CARD10: variants seen among roughly 807,000 people sequenced by gnomAD.
CARD10 encodes caspase recruitment domain family member 10.
In CARD10, 49 loss-of-function variants were observed where a neutral mutation model predicts 114.6. That is an observed-to-expected ratio of 0.43 (90% CI 0.34 to 0.54). CARD10 has a LOEUF of 0.54. Ranked by LOEUF, CARD10 falls within the 20% of genes least tolerant of loss-of-function variation. CARD10 has a pLI of 0.03. For synonymous variants in CARD10, 602 were observed against 593.2 expected (o/e 1.01, Z -0.21); for missense variants, 1,206 against 1,397.2 (o/e 0.86, Z 2.18).
chr22:37,497,147 G>C lies in CARD10; in HGVS notation c.1819C>G (p.Pro607Ala). 6.2e-7 allele frequency: 1 copy of C among 1,613,938 alleles called. No homozygotes were observed. The highest frequency in any genetic ancestry group is 2.2e-5 in the East Asian group (1 of 44,882). ...SLAIRVSGRS[P>A]PGGPEPQDKG... ...TCCTGCGGCTCTGGGCCCCCTGGGG[G>C]GCTCCGGCCAGACACCCGAATAGCC... Residue 607 changes from proline (P) to alanine (A), a missense_variant, in exon 12 of 20, where the codon CCC (proline) becomes GCC (alanine). Physicochemically the swap from Pro to Ala is conservative, Grantham distance 27. Coordinates refer to ENST00000251973, the MANE Select transcript of CARD10 (RefSeq NM_014550.4).
Position 37,496,328 on chromosome 22 carries a change from G to A in CARD10, c.2059+121C>T, listed in dbSNP as rs1056404106. 3 of 708,562 alleles carry A rather than the reference G, an allele frequency of 4.2e-6. No individual in the cohort carries two copies. In the Admixed American group the frequency reaches 8.5e-5, roughly 20 times the overall value. 43.9% of individuals were successfully genotyped at this position (708,562 alleles called of 1,614,324 possible). A position where few individuals can be genotyped will look rare whatever the true frequency, so the allele number is the denominator to read the frequency against. Reference sequence around the variant, plus strand: ...GAGGCATCAGCAGGCGGGGAGCCAGGAGAAGGGCAATTGGGGCAAGGCTGG... The same window carrying A: ...GAGGCATCAGCAGGCGGGGAGCCAGAAGAAGGGCAATTGGGGCAAGGCTGG... On this transcript the variant is annotated intron_variant, in intron 13 of 19. Transcript: ENST00000251973. This position sits in a 1 kb window ranked among gnomAD's most constrained non-coding sequence, Gnocchi z 4.1.
chr22:37,492,564 G>A lies in CARD10; in HGVS notation c.2636-14C>T, dbSNP rs1434933181. 5 of 1,602,366 alleles carry A rather than the reference G, an allele frequency of 3.1e-6. No individual in the cohort carries two copies. Among genetic ancestry groups the A allele is most frequent in the East Asian group, 2.2e-5 (1 of 44,712 alleles). The stretch of plus-strand genomic sequence containing the variant: ...CAGAGAGGCTTTCTGCACAGGGAGT[G>A]GAGAGGGAGAGATGAAGGATCCATG... On this transcript the variant is annotated splice_polypyrimidine_tract_variant and intron_variant, in intron 17 of 19. Transcript: ENST00000251973. The surrounding 1 kb of genome is among the most constrained non-coding windows in gnomAD (Gnocchi z 5.7).
chr22:37,494,077 C>T lies in CARD10; in HGVS notation c.2476+9G>A, dbSNP rs1365742139. On this transcript the variant is annotated intron_variant, in intron 16 of 19. Transcript: ENST00000251973. ...AACACGGGATACAGCTTTGCCCCCG[C>T]GCACTCACCTGCACAGGGCTCCAGC... is the stretch of plus-strand genomic sequence containing the variant. The T allele has an allele frequency of 2.6e-6, 4 of 1,538,110 alleles. No homozygotes were observed. The highest frequency in any genetic ancestry group is 1.2e-5 in the South Asian group (1 of 83,920).
chr22:37,492,301 G>C lies in CARD10; in HGVS notation c.2751+134C>G. 1 of 670,974 alleles carries C rather than the reference G, an allele frequency of 1.5e-6. No individual in the cohort carries two copies. The highest frequency in any genetic ancestry group is 2.5e-6 in the Non-Finnish European group (1 of 406,838). 41.6% of individuals were successfully genotyped at this position (670,974 alleles called of 1,614,324 possible). A position where few individuals can be genotyped will look rare whatever the true frequency, so the allele number is the denominator to read the frequency against. On this transcript the variant is annotated intron_variant, in intron 18 of 19. Transcript: ENST00000251973. The surrounding 1 kb of genome is among the most constrained non-coding windows in gnomAD (Gnocchi z 5.7). ...AAACTGAAGGCCACAGGAGGGAAAG[G>C]ACTTGGCCAGGGCCGCCCTGCCAGT...
In CARD10 at chr22:37,490,776, G is replaced by A. The variant is rs116707952; in HGVS notation, c.*383C>T. 2.5e-3 allele frequency: 510 copies of A among 201,494 alleles called. 3 individuals carry two copies. The highest frequency in any genetic ancestry group is 0.01 in the African/African-American group (442 of 43,154). 12.5% of individuals were successfully genotyped at this position (201,494 alleles called of 1,614,324 possible). ...CAGGCCCAGGTCCTCAGGAGACCTC[G>A]TGCCCAGGGCAGCGGGACAGACCTG... is the stretch of plus-strand genomic sequence containing the variant. On this transcript the variant is annotated 3_prime_UTR_variant, in exon 20 of 20. Transcript: ENST00000251973.
In CARD10 at chr22:37,510,300, G is replaced by GGCTCCT. The variant is rs963906114; in HGVS notation, c.815_820dup (p.Glu273_Pro274insGlnGlu). The GGCTCCT allele has an allele frequency of 6.3e-7, 1 of 1,579,188 alleles. No homozygotes were observed. Among genetic ancestry groups the GGCTCCT allele is most frequent in the East Asian group, 2.2e-5 (1 of 44,552 alleles). On this transcript the variant is annotated inframe_insertion, in exon 4 of 20. Coordinates refer to ENST00000251973, the MANE Select transcript of CARD10 (RefSeq NM_014550.4). The stretch of plus-strand genomic sequence containing the variant: ...CTCAGAGACAAGGTCCACATTGTCT[G>GGCTCCT]GCTCCTTCTCCTTCTCCTTCTCCTT...
chr22:37,517,854 G>A (rs1923893785), intron 2 of CARD10, 117 bp downstream of exon 2: 7 of 1,337,276 alleles, frequency 5.2e-6, no homozygotes, highest in Middle Eastern at 4.9e-4. Context: ...GCCTCTCCAT[G>A]CCTCAGTTTC....
In CARD10 at chr22:37,506,204, G is replaced by A. The variant is rs771736814; in HGVS notation, c.1371C>T (p.Gly457=). ...LEVQLQRAQG[G]TCLKACASSH... ...TTGACCCGCTCACCTTGAGGCAGGT[G>A]CCACCCTGGGCCCGCTGCAGCTGAA... The change falls in exon 7 of 20, where the codon GGC becomes GGT. Residue 457 remains glycine, a synonymous_variant. Transcript: ENST00000251973. 1.6e-5 allele frequency: 25 copies of A among 1,569,934 alleles called. No homozygotes were observed. The highest frequency in any genetic ancestry group is 1.7e-4 in the Middle Eastern group (1 of 5,802).
intron 3 of CARD10, among the ~76,000 whole-genome samples, chr22:37,512,905 T>C (rs1266994446): frequency 6.6e-6 from 1 of 152,098 alleles, no homozygotes; most frequent in Non-Finnish European, 1.5e-5. Flanking sequence ...CTCATTAAAT[T>C]TGCACCTTAT....
intron 2 of CARD10, among the ~76,000 whole-genome samples, chr22:37,517,317 G>T (rs1476480543): frequency 6.6e-6 from 1 of 151,884 alleles, no homozygotes; most frequent in Non-Finnish European, 1.5e-5. Context: ...GCGTGTGTGC[G>T]TGTGTGTATG....
chr22:37,498,613 CT>C, intron 11 of CARD10, among the ~76,000 whole-genome samples: 1 of 152,198 alleles, frequency 6.6e-6, no homozygotes, highest in Admixed American at 6.5e-5. Flanking sequence ...GCCCCGCCCT[CT>C]CAGGTAAGAC....
intron 14 of CARD10, 42 bp downstream of exon 14, chr22:37,495,718 C>T (rs1749499987): frequency 1.9e-6 from 3 of 1,612,202 alleles, no homozygotes; most frequent in Non-Finnish European, 2.5e-6. Flanking sequence ...TGAGCCCTGG[C>T]TCCCAGGGGG....
chr22:37,509,819 CTGCCAGCCTGTG>C (rs1923563072), intron 4 of CARD10, among the ~76,000 whole-genome samples: 1 of 112,686 alleles, frequency 8.9e-6, no homozygotes, highest in African/African-American at 3.1e-5. Context: ...TCCTGACCTC[CTGCCAGCCTGTG>C]CCCACAAGCC....
At chr22:37,505,275 TAAAA>T (rs35364224) in intron 7 of CARD10, among the ~76,000 whole-genome samples, 1 of 142,200 alleles carries the variant, frequency 7.0e-6, no homozygotes, top group African/African-American at 2.6e-5. Context: ...CACTGGGGGT[TAAAA>T]AAAAAAAAAA....
intron 4 of CARD10, among the ~76,000 whole-genome samples, chr22:37,509,661 G>A (rs984009830): frequency 3.4e-5 from 4 of 118,526 alleles, no homozygotes; most frequent in Non-Finnish European, 6.8e-5. Flanking sequence ...GCCCATGAAC[G>A]CTGGCCCTGG....
intron 11 of CARD10, among the ~76,000 whole-genome samples, chr22:37,499,256 C>T (rs1923125601): frequency 6.6e-6 from 1 of 152,142 alleles, no homozygotes; most frequent in Non-Finnish European, 1.5e-5. Flanking sequence ...TGAGCCTCAG[C>T]TCCACCCACC....
At position 37,496,994 on chromosome 22, in the gene CARD10, C is replaced by G. The variant is rs779419835; in HGVS notation, c.1947+25G>C. 31 of 1,581,904 alleles carry G rather than the reference C, an allele frequency of 2.0e-5. No homozygotes were observed. Among genetic ancestry groups the G allele is most frequent in the East Asian group, 4.5e-5 (2 of 44,380 alleles). ...TGGGCAAAAGCACTGACCCTACCCC[C>G]CCAGCTCAGGAGGCAGGGCCTCACC... On this transcript the variant is annotated intron_variant, in intron 12 of 19. Coordinates refer to ENST00000251973, the MANE Select transcript of CARD10 (RefSeq NM_014550.4). The surrounding 1 kb of genome is among the most constrained non-coding windows in gnomAD (Gnocchi z 4.1).
intron 3 of CARD10, among the ~76,000 whole-genome samples, chr22:37,511,081 CAAAA>C (rs869295765): frequency 0.25 from 22,823 of 91,762 alleles, 2,862 homozygotes; most frequent in African/African-American, 0.46. Context: ...GACTCTGTCT[CAAAA>C]AAAAAAAAAA....
chr22:37,508,872 T>C, intron 4 of CARD10, 190 bp from the exon 5 acceptor site: 1 of 1,235,132 alleles, frequency 8.1e-7, no homozygotes, highest in Non-Finnish European at 1.1e-6. Flanking sequence ...CCACAAGCCC[T>C]ACCCACCCTC....
Sources: allele counts gnomAD v4.1 joint callset (sites outside exome capture counted in the v4.1 genomes callset), GRCh38; gene constraint gnomAD v4.1.1; non-coding constraint Gnocchi (gnomAD v3.1); transcripts MANE v1.5; gene names NCBI Gene and HGNC (gene_info 2026-07-23, HGNC 2026-07-21).